ITPR2: variants seen among roughly 807,000 people sequenced by gnomAD.
ITPR2 encodes the protein inositol 1,4,5-trisphosphate receptor type 2, also known as inositol 1,4,5-trisphosphate-gated calcium channel ITPR2.
ITPR2 carries 207 observed loss-of-function variants against 317.1 expected under a neutral mutation model. The observed-to-expected ratio is 0.65, with a 90% confidence interval of 0.58 to 0.73. ITPR2 has a LOEUF of 0.73. Among genes scored for constraint, ITPR2 ranks in the 30% least tolerant of loss-of-function variants. ITPR2 has a pLI of 0.00. For synonymous variants in ITPR2, 1,156 were observed against 1,149.1 expected (o/e 1.01, Z -0.12); for missense variants, 2,613 against 3,284.0 (o/e 0.80, Z 4.99).
chr12:26,391,876 G>A (rs909113845), intron 54 of ITPR2, among the ~76,000 whole-genome samples: 1 of 151,952 alleles, frequency 6.6e-6, no homozygotes, highest in African/African-American at 2.4e-5. Context: ...TATTCTGAAA[G>A]CTTCTGAGTA....
chr12:26,440,231 A>G (rs7965051), intron 46 of ITPR2, among the ~76,000 whole-genome samples: 31,096 of 152,086 alleles, frequency 0.2, 3,212 homozygotes, highest in Admixed American at 0.24. Flanking sequence ...AACAACAACA[A>G]CAACAACAAC....
At chr12:26,621,402 G>T in intron 25 of ITPR2, 106 bp from the exon 26 acceptor site, 1 of 722,778 alleles carries the variant, frequency 1.4e-6, no homozygotes, top group Non-Finnish European at 2.2e-6. Context: ...AAGTAAGTGT[G>T]AACACTTAAC....
At chr12:26,461,893 G>C (rs1942041259) in intron 45 of ITPR2, among the ~76,000 whole-genome samples, 1 of 150,616 alleles carries the variant, frequency 6.6e-6, no homozygotes, top group South Asian at 2.1e-4. Context: ...GGTTGTGACA[G>C]AAGGGGACTT....
intron 34 of ITPR2, among the ~76,000 whole-genome samples, chr12:26,571,089 T>C (rs2137054600): frequency 6.6e-6 from 1 of 152,348 alleles, no homozygotes; most frequent in East Asian, 1.9e-4. Context: ...CAATTTCAAG[T>C]CCTACATCTT....
chr12:26,437,841 G>A (rs61914393), intron 47 of ITPR2, among the ~76,000 whole-genome samples: 9,393 of 152,082 alleles, frequency 0.062, 320 homozygotes, highest in South Asian at 0.096. Flanking sequence ...TCACTCTGTC[G>A]CCCAGGCTGG....
At chr12:26,477,325 T>C (rs182123508) in intron 43 of ITPR2, among the ~76,000 whole-genome samples, 16 of 152,120 alleles carry the variant, frequency 1.1e-4, no homozygotes, top group African/African-American at 3.9e-4. Context: ...GTTTCCTAAA[T>C]AGGCATTTCA....
At position 26,399,057 on chromosome 12, in the gene ITPR2, T is replaced by A; in HGVS notation, c.7531-16A>T. On this transcript the variant is annotated splice_polypyrimidine_tract_variant and intron_variant, in intron 53 of 56. Coordinates refer to ENST00000381340, the MANE Select transcript of ITPR2 (RefSeq NM_002223.4). Reference sequence around the variant, plus strand: ...ACAAGGGCTCCTGAAATAAAAATATTTAAAAAAATCACACTAGGCATAGTG... The same window carrying A: ...ACAAGGGCTCCTGAAATAAAAATATATAAAAAAATCACACTAGGCATAGTG... The A allele has an allele frequency of 6.4e-7, 1 of 1,551,790 alleles. No individual in the cohort carries two copies. Among genetic ancestry groups the A allele is most frequent in the East Asian group, 2.3e-5 (1 of 43,696 alleles).
At chr12:26,570,328 G>GA (rs1415227389) in intron 34 of ITPR2, among the ~76,000 whole-genome samples, 2 of 152,192 alleles carry the variant, frequency 1.3e-5, no homozygotes, top group Admixed American at 1.3e-4. Context: ...ATAAATATGT[G>GA]AAAAATTGTA....
Position 26,566,115 on chromosome 12 carries a change from AGGAGAGGAGGAGAG to A in ITPR2, c.4631-4177_4631-4164del, listed in dbSNP as rs573561832. ...GAGAGGAGAAGGTGAGGAAAGGAGAAGGAGAGGAGGAGAGGGAGAGGAGGAGAGGAAAGGAGAAG... is the reference window on the plus strand; with the variant it reads ...GAGAGGAGAAGGTGAGGAAAGGAGAAGGAGAGGAGGAGAGGAAAGGAGAAG... On this transcript the variant is annotated intron_variant, in intron 34 of 56. Transcript: ENST00000381340. 5.7e-3 allele frequency among the ~76,000 whole-genome samples: 688 copies of A among 121,122 alleles called. 11 individuals are homozygous for A. The highest frequency in any genetic ancestry group is 0.021 in the African/African-American group (648 of 31,092). The allele number at this position is 121,122 out of a possible 152,430, so 79.5% of individuals were successfully genotyped here. A position where few individuals can be genotyped will look rare whatever the true frequency, so the allele number is the denominator to read the frequency against.
chr12:26,792,445 C>A (rs1950357635), intron 1 of ITPR2, among the ~76,000 whole-genome samples: 1 of 151,748 alleles, frequency 6.6e-6, no homozygotes. Flanking sequence ...ATATCCCCAA[C>A]AACCTCTTCT....
intron 13 of ITPR2, among the ~76,000 whole-genome samples, chr12:26,680,334 T>G (rs1948005334): frequency 6.6e-6 from 1 of 152,200 alleles, no homozygotes; most frequent in Non-Finnish European, 1.5e-5. Flanking sequence ...TCCCACATTA[T>G]CAATACAATT....
chr12:26,695,143 G>T (rs914966085), intron 10 of ITPR2, among the ~76,000 whole-genome samples: 2 of 152,096 alleles, frequency 1.3e-5, no homozygotes, highest in African/African-American at 2.4e-5. Flanking sequence ...ATTACAGACC[G>T]TATCTAGATT....
intron 2 of ITPR2, among the ~76,000 whole-genome samples, chr12:26,782,035 T>G (rs1206630191): frequency 0.035 from 337 of 9,668 alleles, 1 homozygote; most frequent in African/African-American, 0.11. Context: ...TATATATATG[T>G]ATAGAGAGAG....
chr12:26,487,161 T>C lies in ITPR2; in HGVS notation c.5461A>G (p.Ile1821Val), dbSNP rs1346427094. 1 of 1,613,580 alleles carries C rather than the reference T, an allele frequency of 6.2e-7. No individual in the cohort carries two copies. Residue 1821 changes from isoleucine (I) to valine (V), a missense_variant, in exon 40 of 57, where the codon ATA becomes GTA. Physicochemically the swap from Ile to Val is conservative, Grantham distance 29. Around this residue, in one of 9 missense-constraint regions of ITPR2, gnomAD observed 926 missense variants for 1,072.8 expected, o/e 0.86. Transcript: ENST00000381340. ...GTATTAACTGTCACTGTTGATCTTA[T>C]TTCTTTCTGAGCAGCCTTCATTCGA... ...YDRMKAAQKE[I>V]RSTVTVNTID...
chr12:26,605,126 A>AAAATATATAT (rs1555165395), intron 26 of ITPR2, among the ~76,000 whole-genome samples: 7 of 136,310 alleles, frequency 5.1e-5, no homozygotes, highest in African/African-American at 1.1e-4. Context: ...AAAAAATAAA[A>AAAATATATAT]ATATATATAT....
chr12:26,512,106 C>T (rs569001823), intron 37 of ITPR2, among the ~76,000 whole-genome samples: 1 of 151,476 alleles, frequency 6.6e-6, no homozygotes, highest in African/African-American at 2.4e-5. Flanking sequence ...ATGACTAAGC[C>T]AACGGGAAAA....
At chr12:26,599,889 G>A in intron 29 of ITPR2, 98 bp downstream of exon 29, 2 of 822,462 alleles carry the variant, frequency 2.4e-6, no homozygotes, top group Non-Finnish European at 3.7e-6. Context: ...AAAAAAAAAT[G>A]AAGCAAGGAA....
chr12:26,519,951 A>G (rs1272955356), intron 37 of ITPR2, among the ~76,000 whole-genome samples: 3 of 152,216 alleles, frequency 2.0e-5, no homozygotes, highest in African/African-American at 7.2e-5. Flanking sequence ...GTATATACAT[A>G]AAGAAACTCT....
intron 46 of ITPR2, among the ~76,000 whole-genome samples, chr12:26,442,831 G>A (rs1389042500): frequency 6.6e-6 from 1 of 152,066 alleles, no homozygotes; most frequent in African/African-American, 2.4e-5. Context: ...AAAAATATCT[G>A]CCAAAATGAA....
Sources: allele counts gnomAD v4.1 joint callset (sites outside exome capture counted in the v4.1 genomes callset), GRCh38; gene constraint gnomAD v4.1.1; regional missense constraint gnomAD v4.1.1; transcripts MANE v1.5; gene names NCBI Gene and HGNC (gene_info 2026-07-23, HGNC 2026-07-21).